The following CCDC3 variants were observed in gnomAD, a reference collection of about 807,000 sequenced individuals.
CCDC3 encodes coiled-coil domain-containing protein 3.
In CCDC3, 24 loss-of-function variants were observed where a neutral mutation model predicts 21.4. The ratio of observed to expected loss-of-function variants is 1.12; its 90% CI spans 0.81 to 1.58. CCDC3 has a LOEUF of 1.58. Among genes scored for constraint, CCDC3 ranks in the 40% most tolerant of loss-of-function variants. The pLI is 0.00. For missense variants in CCDC3, 425 were observed against 360.9 expected, an observed-to-expected ratio of 1.18 and a Z score of -1.44; for synonymous variants, 186 against 166.0, an observed-to-expected ratio of 1.12 and a Z score of -0.93.
chr10:12,933,916 A>T (rs1834693809), intron 2 of CCDC3, among the ~76,000 whole-genome samples: 1 of 151,700 alleles, frequency 6.6e-6, no homozygotes, highest in South Asian at 2.1e-4. Flanking sequence ...TCTTTTGATT[A>T]TTTTCTGTTT....
intron 2 of CCDC3, among the ~76,000 whole-genome samples, chr10:12,931,448 T>TA (rs1834642130): frequency 6.6e-6 from 1 of 152,204 alleles, no homozygotes; most frequent in Non-Finnish European, 1.5e-5. Flanking sequence ...TATTGACCCT[T>TA]CTGAATGAAT....
intron 4 of CCDC3, chr10:13,058,501 T>A: frequency 1.3e-6 from 1 of 747,662 alleles, no homozygotes; most frequent in Admixed American, 1.7e-5. Context: ...ACAAATGATA[T>A]CTCTGTTCGT....
At chr10:13,087,191 G>A (rs548494005) in intron 3 of CCDC3, among the ~76,000 whole-genome samples, 2 of 152,274 alleles carry the variant, frequency 1.3e-5, no homozygotes, top group South Asian at 2.1e-4. Flanking sequence ...GATCACCTGA[G>A]GTCGGGAATT....
At chr10:13,065,296 G>A (rs183265624) in intron 4 of CCDC3, among the ~76,000 whole-genome samples, 1 of 152,180 alleles carries the variant, frequency 6.6e-6, no homozygotes, top group East Asian at 1.9e-4. Context: ...GAAGTAGCTG[G>A]ATGAAATAGA....
chr10:13,032,849 A>G (rs904339838), intron 5 of CCDC3, among the ~76,000 whole-genome samples: 1 of 152,240 alleles, frequency 6.6e-6, no homozygotes, highest in African/African-American at 2.4e-5. Context: ...AGAGGACACA[A>G]ACAAAGGGAA....
chr10:12,938,155 A>G (rs1197254711), intron 2 of CCDC3, among the ~76,000 whole-genome samples: 1 of 152,116 alleles, frequency 6.6e-6, no homozygotes, highest in Non-Finnish European at 1.5e-5. Context: ...AGGGGTTAGC[A>G]TTTTCCTCCC....
intron 5 of CCDC3, among the ~76,000 whole-genome samples, chr10:13,046,909 A>G (rs1836536745): frequency 6.6e-6 from 1 of 152,032 alleles, no homozygotes; most frequent in Non-Finnish European, 1.5e-5. Flanking sequence ...TGATCTGCAA[A>G]AAGATTTATT....
At chr10:12,947,901 A>T (rs1834941503) in intron 2 of CCDC3, among the ~76,000 whole-genome samples, 1 of 152,174 alleles carries the variant, frequency 6.6e-6, no homozygotes, top group Non-Finnish European at 1.5e-5. Flanking sequence ...CAGCTCATAG[A>T]TGGGAGAAAC....
At chr10:13,053,896 G>T in intron 4 of CCDC3, among the ~76,000 whole-genome samples, 1 of 152,008 alleles carries the variant, frequency 6.6e-6, no homozygotes, top group East Asian at 1.9e-4. Flanking sequence ...TGTAATCGCA[G>T]CACTTTGTCA....
Position 13,079,833 on chromosome 10 carries a change from C to T in CCDC3, c.-502-5733G>A, listed in dbSNP as rs563458898. On this transcript the variant is annotated intron_variant, in intron 3 of 6. Coordinates refer to the CCDC3 transcript ENST00000378839. ...CAGCAGCGTGGGTGGCTGGCAGAGG[C>T]AGGGAAGAGCAGCAGAGAGAGAAAA... Among the ~76,000 whole-genome samples, 914 of 152,046 alleles carry T rather than the reference C, an allele frequency of 6.0e-3. 37 individuals are homozygous for T. The South Asian group carries it at 0.099, about 17-fold the overall frequency.
intron 2 of CCDC3, among the ~76,000 whole-genome samples, chr10:12,964,786 T>C (rs1474308818): frequency 1.3e-5 from 2 of 152,212 alleles, no homozygotes; most frequent in Non-Finnish European, 2.9e-5. Context: ...GTCACACCAC[T>C]GGTAAATGTA....
intron 4 of CCDC3, among the ~76,000 whole-genome samples, chr10:13,056,525 C>T (rs1387844739): frequency 6.6e-6 from 1 of 152,206 alleles, no homozygotes; most frequent in Admixed American, 6.5e-5. Flanking sequence ...ACAGATCACA[C>T]TCAAGCCTGG....
At chr10:12,959,962 T>C (rs1270038699) in intron 2 of CCDC3, among the ~76,000 whole-genome samples, 1 of 152,204 alleles carries the variant, frequency 6.6e-6, no homozygotes, top group Non-Finnish European at 1.5e-5. Context: ...AAGACCAGCC[T>C]GGCCAACATG....
chr10:13,046,159 A>C (rs1406906199), intron 5 of CCDC3, among the ~76,000 whole-genome samples: 1 of 152,136 alleles, frequency 6.6e-6, no homozygotes, highest in Non-Finnish European at 1.5e-5. Flanking sequence ...TAATCCCAGC[A>C]CCTTGGGAGG....
intron 5 of CCDC3, among the ~76,000 whole-genome samples, chr10:13,049,021 T>C (rs1836569146): frequency 6.6e-6 from 1 of 152,202 alleles, no homozygotes; most frequent in Admixed American, 6.5e-5. Context: ...GGAGGCCTCC[T>C]AAGTTGTTCA....
At chr10:13,066,651 G>T (rs556642302) in intron 4 of CCDC3, among the ~76,000 whole-genome samples, 1 of 152,108 alleles carries the variant, frequency 6.6e-6, no homozygotes, top group Non-Finnish European at 1.5e-5. Context: ...GAGAACCTCC[G>T]ACCCACCCCA....
At chr10:13,059,968 C>A (rs1243318437) in intron 4 of CCDC3, among the ~76,000 whole-genome samples, 1 of 152,044 alleles carries the variant, frequency 6.6e-6, no homozygotes, top group Non-Finnish European at 1.5e-5. Flanking sequence ...GCTGTAATCC[C>A]AGCTACTTGG....
intron 5 of CCDC3, among the ~76,000 whole-genome samples, chr10:13,041,111 G>A (rs75157420): frequency 0.13 from 19,417 of 151,814 alleles, 1,628 homozygotes; most frequent in East Asian, 0.28. Flanking sequence ...TAGTAAGTGC[G>A]CTAAGAAAAA....
intron 3 of CCDC3, among the ~76,000 whole-genome samples, chr10:13,082,710 G>A (rs184431156): frequency 1.3e-5 from 2 of 152,322 alleles, no homozygotes; most frequent in Non-Finnish European, 2.9e-5. Context: ...CTAGACCAAG[G>A]AGCCCTCTAG....
Sources: gnomAD v4.1 joint callset for allele counts (sites outside exome capture counted in the v4.1 genomes callset) on GRCh38, gnomAD v4.1.1 for gene constraint, MANE v1.5 for transcripts, NCBI Gene and HGNC (gene_info 2026-07-23, HGNC 2026-07-21) for gene names.